The following JPH3 variants were observed in gnomAD, a reference collection of about 807,000 sequenced individuals.
The protein encoded by JPH3 is junctophilin 3, also known as junctophilin-3.
A neutral mutation model predicts 59.6 loss-of-function variants in JPH3; 11 were observed. The observed-to-expected ratio is 0.18, with a 90% confidence interval of 0.12 to 0.31. The LOEUF is 0.31. Among genes scored for constraint, JPH3 ranks in the 10% least tolerant of loss-of-function variants. The pLI, the probability that JPH3 is intolerant of heterozygous loss-of-function variation, is 1.00. For missense variants in JPH3, 1,202 were observed against 1,105.7 expected, an observed-to-expected ratio of 1.09 and a Z score of -1.24; for synonymous variants, 673 against 483.6, an observed-to-expected ratio of 1.39 and a Z score of -5.14.
intron 1 of JPH3, among the ~76,000 whole-genome samples, chr16:87,640,340 G>C (rs2031905303): frequency 6.6e-6 from 1 of 151,100 alleles, no homozygotes; most frequent in African/African-American, 2.4e-5. Flanking sequence ...AAAAAAAAGG[G>C]TTGTCCGGTT....
chr16:87,602,878 C>G lies in JPH3; in HGVS notation c.-269C>G. ...CCCCTCCCTCCCTCCTCCCCTCCCC[C>G]TCCCCTCCGGTCCTGTCTCCAGCGG... On this transcript the variant is annotated 5_prime_UTR_variant, in exon 1 of 5. Transcript: ENST00000284262. The G allele has an allele frequency of 4.0e-6, 1 of 249,878 alleles. No homozygotes were observed. The highest frequency in any genetic ancestry group is 7.5e-6 in the Non-Finnish European group (1 of 133,826). The allele number at this position is 249,878 out of a possible 1,614,324, so 15.5% of individuals were successfully genotyped here.
intron 1 of JPH3, among the ~76,000 whole-genome samples, chr16:87,641,925 G>A (rs955184695): frequency 7.9e-5 from 12 of 152,366 alleles, no homozygotes; most frequent in Middle Eastern, 3.4e-3. Flanking sequence ...TGGATGCCGC[G>A]GGTGCCGGGC....
chr16:87,602,334 G>A (rs1177666500), upstream of JPH3: 1 of 138,470 alleles, frequency 7.2e-6, no homozygotes, highest in Non-Finnish European at 1.6e-5. Context: ...GGGGCGCGGA[G>A]GGCGGGGCGC....
At chr16:87,688,671 C>A in intron 3 of JPH3, among the ~76,000 whole-genome samples, 1 of 152,134 alleles carries the variant, frequency 6.6e-6, no homozygotes, top group African/African-American at 2.4e-5. Flanking sequence ...TCCCACAGAG[C>A]TCTGCACCAT....
chr16:87,678,270 G>A (rs542970809), intron 2 of JPH3, among the ~76,000 whole-genome samples: 17 of 151,952 alleles, frequency 1.1e-4, no homozygotes, highest in Non-Finnish European at 2.1e-4. Context: ...CCAGCCAGGC[G>A]TGGTGGCTCA....
At chr16:87,680,257 C>G (rs1476810810) in intron 2 of JPH3, among the ~76,000 whole-genome samples, 2 of 152,224 alleles carry the variant, frequency 1.3e-5, no homozygotes, top group Non-Finnish European at 2.9e-5. Context: ...CCCTGAGCCA[C>G]CACATTGGTA....
chr16:87,686,086 G>A (rs1014463092), intron 3 of JPH3, among the ~76,000 whole-genome samples: 2 of 152,202 alleles, frequency 1.3e-5, no homozygotes, highest in African/African-American at 2.4e-5. Flanking sequence ...CTGGAGCGGA[G>A]ACCCTGGAAG....
chr16:87,655,402 G>A (rs1276029929), intron 2 of JPH3, among the ~76,000 whole-genome samples: 2 of 152,128 alleles, frequency 1.3e-5, no homozygotes, highest in Non-Finnish European at 2.9e-5. Flanking sequence ...CCCCCGGGCT[G>A]GAGTGCAGTG....
At chr16:87,625,288 G>C (rs191226116) in intron 1 of JPH3, among the ~76,000 whole-genome samples, 1 of 152,288 alleles carries the variant, frequency 6.6e-6, no homozygotes, top group African/African-American at 2.4e-5. Flanking sequence ...GTGACTATTG[G>C]AGCACACAGT....
chr16:87,684,241 C>T lies in JPH3; in HGVS notation c.1260C>T (p.Ser420=). Residue 420 remains serine, a synonymous_variant, in exon 3 of 5, where the codon TCC becomes TCT. Coordinates refer to ENST00000284262, the MANE Select transcript of JPH3 (RefSeq NM_020655.4). ...RIARITAKEF[S]PSFQHRENGL... ...CCAGGATCACTGCCAAAGAGTTCTC[C>T]CCTTCCTTCCAGCACCGGGAAAACG... 6.2e-7 allele frequency: 1 copy of T among 1,614,018 alleles called. No homozygotes were observed. The highest frequency in any genetic ancestry group is 8.5e-7 in the Non-Finnish European group (1 of 1,180,024).
chr16:87,675,137 T>C (rs1037194308), intron 2 of JPH3, among the ~76,000 whole-genome samples: 3 of 151,980 alleles, frequency 2.0e-5, no homozygotes, highest in Non-Finnish European at 4.4e-5. Context: ...GGATGATTTC[T>C]ACCACCCCAT....
Position 87,690,402 on chromosome 16 carries a change from T to A in JPH3, c.2042T>A (p.Leu681Gln). 2 of 1,511,562 alleles carry A rather than the reference T, an allele frequency of 1.3e-6. No homozygotes were observed. The highest frequency in any genetic ancestry group is 8.8e-7 in the Non-Finnish European group (1 of 1,132,040). 93.6% of individuals were successfully genotyped at this position (1,511,562 alleles called of 1,614,324 possible). A position where few individuals can be genotyped will look rare whatever the true frequency, so the allele number is the denominator to read the frequency against. ...CCCGCCGTGCAGAAACTGGCGAGCC[T>A]GCGGCTGGGCGGGGCCGAGCCCCGG... ...AEPAVQKLAS[L>Q]RLGGAEPRLL... Residue 681 changes from leucine to glutamine, a missense_variant, in exon 4 of 5, where the codon CTG becomes CAG. Transcript: ENST00000284262.
At chr16:87,657,694 C>G (rs1049092729) in intron 2 of JPH3, among the ~76,000 whole-genome samples, 3 of 152,208 alleles carry the variant, frequency 2.0e-5, no homozygotes, top group African/African-American at 4.8e-5. Context: ...CAGTCCATCT[C>G]TGGGGTGTGA....
intron 1 of JPH3, among the ~76,000 whole-genome samples, chr16:87,627,125 C>A (rs907383571): frequency 1.4e-4 from 22 of 152,222 alleles, no homozygotes; most frequent in Admixed American, 3.3e-4. Flanking sequence ...CGAGGCCAGT[C>A]ATTAGTTGCC....
At chr16:87,656,661 G>T (rs571267250) in intron 2 of JPH3, among the ~76,000 whole-genome samples, 2 of 152,288 alleles carry the variant, frequency 1.3e-5, no homozygotes, top group East Asian at 1.9e-4. Context: ...TGCAGCTGGC[G>T]GGTCAGGGGC....
chr16:87,653,070 G>A (rs549426310), intron 2 of JPH3, among the ~76,000 whole-genome samples: 9 of 152,094 alleles, frequency 5.9e-5, no homozygotes, highest in Non-Finnish European at 7.4e-5. Flanking sequence ...CAGTGCCTGC[G>A]GGGGGGACTA....
intron 1 of JPH3, among the ~76,000 whole-genome samples, chr16:87,617,592 G>A (rs1415533925): frequency 6.7e-6 from 1 of 149,144 alleles, no homozygotes; most frequent in Non-Finnish European, 1.5e-5. Context: ...AGGGGTGCCT[G>A]TGTCCAAGGA....
intron 1 of JPH3, among the ~76,000 whole-genome samples, chr16:87,637,394 GAGAGAGA>G (rs1567592309): frequency 1.3e-4 from 18 of 136,038 alleles, no homozygotes; most frequent in South Asian, 4.8e-4. Context: ...TTATGGGGGA[GAGAGAGA>G]GAGAGAGAGA....
At chr16:87,657,204 G>A (rs2032531649) in intron 2 of JPH3, among the ~76,000 whole-genome samples, 1 of 152,190 alleles carries the variant, frequency 6.6e-6, no homozygotes, top group African/African-American at 2.4e-5. Context: ...AAATAAAAAG[G>A]AGGAGGCCAA....
Sources: gnomAD v4.1 joint callset for allele counts (sites outside exome capture counted in the v4.1 genomes callset) on GRCh38, gnomAD v4.1.1 for gene constraint, MANE v1.5 for transcripts, NCBI Gene and HGNC (gene_info 2026-07-23, HGNC 2026-07-21) for gene names.